RHOB: variants seen among roughly 807,000 people sequenced by gnomAD.
The protein encoded by RHOB is rho-related GTP-binding protein RhoB.
Under a neutral mutation model 12.9 loss-of-function variants are expected in RHOB, and 6 were observed. The ratio of observed to expected loss-of-function variants is 0.47; its 90% CI spans 0.25 to 0.92. The LOEUF is 0.92. RHOB is among the 40% of genes least tolerant of loss of function. The pLI, the probability that RHOB is intolerant of heterozygous loss-of-function variation, is 0.16. For missense variants in RHOB, 142 were observed against 277.9 expected, an observed-to-expected ratio of 0.51 and a Z score of 3.48; for synonymous variants, 168 against 122.1, an observed-to-expected ratio of 1.38 and a Z score of -2.48.
Position 20,448,222 on chromosome 2 carries a change from C to T in RHOB, c.*166C>T. 3.1e-6 allele frequency: 2 copies of T among 651,262 alleles called. No homozygotes were observed. Among genetic ancestry groups the T allele is most frequent in the Non-Finnish European group, 2.7e-6 (1 of 370,798 alleles). 40.3% of individuals were successfully genotyped at this position (651,262 alleles called of 1,614,324 possible). The stretch of plus-strand genomic sequence containing the variant: ...TTGCGCCAGGACTTGGCGTGGGCAC[C>T]GGGCGCCCCCATCCCAGTGTCTGTG... On this transcript the variant is annotated 3_prime_UTR_variant, in exon 1 of 1. Coordinates refer to ENST00000272233, the MANE Select transcript of RHOB (RefSeq NM_004040.4).
rs1280367324 is a variant in RHOB at position 20,447,204 on chromosome 2, C to G, written c.-262C>G. ...GAGCCCGCGTTACGCACAAAGCCGC[C>G]GATCCCCGGCCTGGGGTGAGCAGAG... On this transcript the variant is annotated 5_prime_UTR_variant, in exon 1 of 1. Transcript: ENST00000272233. The G allele has an allele frequency of 4.1e-5, 14 of 339,380 alleles. No homozygotes were observed. In the East Asian group the frequency reaches 6.1e-4, roughly 15 times the overall value. The allele number at this position is 339,380 out of a possible 1,614,324, so 21.0% of individuals were successfully genotyped here. A position where few individuals can be genotyped will look rare whatever the true frequency, so the allele number is the denominator to read the frequency against.
In RHOB at chr2:20,448,704, T is replaced by C. The variant is rs961059642; in HGVS notation, c.*648T>C. ...CCTGGGGAAGACATTTGCAACTGACTTGGGGAGGACACAGCTTCAGCACAG... is the reference window on the plus strand; with the variant it reads ...CCTGGGGAAGACATTTGCAACTGACCTGGGGAGGACACAGCTTCAGCACAG... On this transcript the variant is annotated 3_prime_UTR_variant, in exon 1 of 1. Coordinates refer to ENST00000272233, the MANE Select transcript of RHOB (RefSeq NM_004040.4). 1.2e-5 allele frequency: 2 copies of C among 167,184 alleles called. No homozygotes were observed. Among genetic ancestry groups the C allele is most frequent in the Non-Finnish European group, 2.9e-5 (2 of 68,162 alleles). The allele number at this position is 167,184 out of a possible 1,614,324, so 10.4% of individuals were successfully genotyped here. A position where few individuals can be genotyped will look rare whatever the true frequency, so the allele number is the denominator to read the frequency against.
chr2:20,448,140 C>G lies in RHOB; in HGVS notation c.*84C>G. 2 of 1,226,514 alleles carry G rather than the reference C, an allele frequency of 1.6e-6. No individual in the cohort carries two copies. Among genetic ancestry groups the G allele is most frequent in the Non-Finnish European group, 1.1e-6 (1 of 880,656 alleles). 76.0% of individuals were successfully genotyped at this position (1,226,514 alleles called of 1,614,324 possible). On this transcript the variant is annotated 3_prime_UTR_variant, in exon 1 of 1. Transcript: ENST00000272233. ...CCGCGAGCCCGGAGAAGGGGAGACC[C>G]GTGTCCCACAAGGACCCCACCGGCC...
In RHOB at chr2:20,447,367, T is replaced by C; in HGVS notation, c.-99T>C. On this transcript the variant is annotated 5_prime_UTR_variant, in exon 1 of 1. Coordinates refer to ENST00000272233, the MANE Select transcript of RHOB (RefSeq NM_004040.4). ...GGCCCGGGTGCAGCTAGCGACCCTC[T>C]CGCCACCTGCGCGCAGCCCGAGGTG... is the stretch of plus-strand genomic sequence containing the variant. The C allele has an allele frequency of 1.1e-6, 1 of 944,216 alleles. No homozygotes were observed. The allele number at this position is 944,216 out of a possible 1,614,324, so 58.5% of individuals were successfully genotyped here. A position where few individuals can be genotyped will look rare whatever the true frequency, so the allele number is the denominator to read the frequency against.
Position 20,448,060 on chromosome 2 carries a change from C to T in RHOB, c.*4C>T. ...CAACTGCTGCAAGGTGCTATGAGGG[C>T]CGCGCCCGTCGCGCCTGCCCCTGCC... On this transcript the variant is annotated 3_prime_UTR_variant, in exon 1 of 1. Transcript: ENST00000272233. The T allele has an allele frequency of 2.5e-6, 4 of 1,599,536 alleles. No individual in the cohort carries two copies. Among genetic ancestry groups the T allele is most frequent in the Non-Finnish European group, 3.4e-6 (4 of 1,171,382 alleles).
At position 20,448,294 on chromosome 2, in the gene RHOB, A is replaced by AGG; in HGVS notation, c.*240_*241dup. 1 of 564,548 alleles carries AGG rather than the reference A, an allele frequency of 1.8e-6. No individual in the cohort carries two copies. The highest frequency in any genetic ancestry group is 3.2e-6 in the Non-Finnish European group (1 of 310,258). 35.0% of individuals were successfully genotyped at this position (564,548 alleles called of 1,614,324 possible). A position where few individuals can be genotyped will look rare whatever the true frequency, so the allele number is the denominator to read the frequency against. ...GGCCTGGGCTCCCCACTGAGTGCCA[A>AGG]GGGTCCCCTGAGCATGCTTTTCTGA... On this transcript the variant is annotated 3_prime_UTR_variant, in exon 1 of 1. Coordinates refer to ENST00000272233, the MANE Select transcript of RHOB (RefSeq NM_004040.4).
At position 20,448,921 on chromosome 2, in the gene RHOB, ATTGT is replaced by A. The variant is rs1366123245; in HGVS notation, c.*868_*871del. On this transcript the variant is annotated 3_prime_UTR_variant, in exon 1 of 1. Transcript: ENST00000272233. ...AATTTGTTTTTTTATTCTTTGCACA[ATTGT>A]TTCATTGTTTGACACTTAATGCACT... 1.8e-5 allele frequency: 3 copies of A among 167,210 alleles called. No individual in the cohort carries two copies. The East Asian group carries it at 5.8e-4, about 32-fold the overall frequency. The allele number at this position is 167,210 out of a possible 1,614,324, so 10.4% of individuals were successfully genotyped here.
Position 20,448,906 on chromosome 2 carries a change from TTTA to T in RHOB, c.*853_*855del. ...TTATTTAAAGGCTAAAATTTGTTTT[TTTA>T]TTCTTTGCACAATTGTTTCATTGTT... On this transcript the variant is annotated 3_prime_UTR_variant, in exon 1 of 1. Coordinates refer to ENST00000272233, the MANE Select transcript of RHOB (RefSeq NM_004040.4). 6.0e-6 allele frequency: 1 copy of T among 167,176 alleles called. No homozygotes were observed. Among genetic ancestry groups the T allele is most frequent in the Non-Finnish European group, 1.5e-5 (1 of 68,136 alleles). 10.4% of individuals were successfully genotyped at this position (167,176 alleles called of 1,614,324 possible).
rs1226583956 is a variant in RHOB, at chr2:20,449,328, A to G, written c.*1272A>G. On this transcript the variant is annotated 3_prime_UTR_variant, in exon 1 of 1. Coordinates refer to ENST00000272233, the MANE Select transcript of RHOB (RefSeq NM_004040.4). ...TTGTTGTCTTGTTTTTTATTTTTTA[A>G]ATAAACTGACAAATGACAAAATGGT... The G allele has an allele frequency of 1.2e-5, 2 of 166,946 alleles. No homozygotes were observed. The highest frequency in any genetic ancestry group is 1.3e-4 in the Admixed American group (2 of 15,276). The allele number at this position is 166,946 out of a possible 1,614,324, so 10.3% of individuals were successfully genotyped here.
At position 20,448,753 on chromosome 2, in the gene RHOB, G is replaced by T. The variant is rs984834809; in HGVS notation, c.*697G>T. 7 of 167,002 alleles carry T rather than the reference G, an allele frequency of 4.2e-5. No homozygotes were observed. The highest frequency in any genetic ancestry group is 7.3e-5 in the Non-Finnish European group (5 of 68,134). The allele number at this position is 167,002 out of a possible 1,614,324, so 10.3% of individuals were successfully genotyped here. A position where few individuals can be genotyped will look rare whatever the true frequency, so the allele number is the denominator to read the frequency against. Reference sequence around the variant, plus strand: ...AGCCTCTCCTGCGGGCCAGCCCGCTGCGAACCCTCCACCAGCTACCGGAGG... The same window carrying T: ...AGCCTCTCCTGCGGGCCAGCCCGCTTCGAACCCTCCACCAGCTACCGGAGG... On this transcript the variant is annotated 3_prime_UTR_variant, in exon 1 of 1. Transcript: ENST00000272233.
rs891082434 is a variant in RHOB at position 20,447,159 on chromosome 2, A to G, written c.-307A>G. ...CCCGGGAGAGAGCTAGGCCGAGTCC[A>G]CCGCCCGAGTCTGCTGCCCGAGCCC... On this transcript the variant is annotated 5_prime_UTR_variant, in exon 1 of 1. Transcript: ENST00000272233. 1.4e-5 allele frequency: 4 copies of G among 291,958 alleles called. No homozygotes were observed. The highest frequency in any genetic ancestry group is 1.0e-4 in the Admixed American group (2 of 19,062). The allele number at this position is 291,958 out of a possible 1,614,324, so 18.1% of individuals were successfully genotyped here.
Position 20,447,607 on chromosome 2 carries a change from G to A in RHOB, c.142G>A (p.Val48Met). ...VFENYVADIE[V>M]DGKQVELALW... is the part of the protein sequence containing the mutation. ...CGAGAACTATGTGGCCGACATTGAG[G>A]TGGACGGCAAGCAGGTGGAGCTGGC... The change falls in exon 1 of 1, where the codon GTG becomes ATG. Residue 48 changes from valine (V) to methionine (M), a missense_variant. Val to Met is a conservative substitution (Grantham distance 21, BLOSUM62 1). This residue lies in a region of RHOB where 29 missense variants were observed against 111.5 expected (regional missense o/e 0.26). Coordinates refer to ENST00000272233, the MANE Select transcript of RHOB (RefSeq NM_004040.4). 6.2e-7 allele frequency: 1 copy of A among 1,614,122 alleles called. No individual in the cohort carries two copies. Among genetic ancestry groups the A allele is most frequent in the Non-Finnish European group, 8.5e-7 (1 of 1,180,032 alleles).
Position 20,447,942 on chromosome 2 carries a change from C to G in RHOB, c.477C>G (p.Cys159Trp). ...VRIQAYDYLE[C>W]SAKTKEGVRE... ...TCCAAGCCTACGACTACCTCGAGTG[C>G]TCTGCCAAGACCAAGGAAGGCGTGC... is the stretch of plus-strand genomic sequence containing the variant. Residue 159 changes from cysteine to tryptophan, a missense_variant, in exon 1 of 1, where the codon TGC becomes TGG. By Grantham distance (215) the Cys-to-Trp change is radical. Transcript: ENST00000272233. 6.2e-7 allele frequency: 1 copy of G among 1,613,142 alleles called. No homozygotes were observed.
chr2:20,449,275 C>G lies in RHOB; in HGVS notation c.*1219C>G, dbSNP rs1327318494. 6.0e-6 allele frequency: 1 copy of G among 166,370 alleles called. No individual in the cohort carries two copies. Among genetic ancestry groups the G allele is most frequent in the Non-Finnish European group, 1.5e-5 (1 of 67,978 alleles). The allele number at this position is 166,370 out of a possible 1,614,324, so 10.3% of individuals were successfully genotyped here. A position where few individuals can be genotyped will look rare whatever the true frequency, so the allele number is the denominator to read the frequency against. On this transcript the variant is annotated 3_prime_UTR_variant, in exon 1 of 1. Coordinates refer to ENST00000272233, the MANE Select transcript of RHOB (RefSeq NM_004040.4). ...CCCTGTATATCCTTTTTTCCCCTCC[C>G]CTCCCTCCCAGTGGTACTTCTACTA...
rs1691008521 is a variant in RHOB at position 20,447,089 on chromosome 2, C to G, written c.-377C>G. The G allele has an allele frequency of 1.5e-5, 3 of 198,184 alleles. No individual in the cohort carries two copies. The highest frequency in any genetic ancestry group is 2.3e-5 in the African/African-American group (1 of 43,146). 12.3% of individuals were successfully genotyped at this position (198,184 alleles called of 1,614,324 possible). On this transcript the variant is annotated 5_prime_UTR_variant, in exon 1 of 1. Coordinates refer to ENST00000272233, the MANE Select transcript of RHOB (RefSeq NM_004040.4). ...CGCAGCCCTCATCTGCCACCGCAGT[C>G]TGGTTGGAGCTGTTGTCTTGTATGC... is the stretch of plus-strand genomic sequence containing the variant.
In RHOB at chr2:20,447,929, A is replaced by G; in HGVS notation, c.464A>G (p.Asp155Gly). ...RAMAVRIQAY[D>G]YLECSAKTKE... is the part of the protein sequence containing the mutation. The stretch of plus-strand genomic sequence containing the variant: ...ATGGCCGTGCGCATCCAAGCCTACG[A>G]CTACCTCGAGTGCTCTGCCAAGACC... The change falls in exon 1 of 1, where the codon GAC (aspartate) becomes GGC (glycine). Residue 155 changes from aspartate to glycine, a missense_variant. By Grantham distance (94) the Asp-to-Gly change is moderately conservative (BLOSUM62 -1). This residue lies in a region of RHOB where 113 missense variants were observed against 166.3 expected (regional missense o/e 0.68). Transcript: ENST00000272233. The G allele has an allele frequency of 1.9e-6, 3 of 1,613,118 alleles. No individual in the cohort carries two copies. The highest frequency in any genetic ancestry group is 2.5e-6 in the Non-Finnish European group (3 of 1,179,970).
chr2:20,447,717 C>T lies in RHOB; in HGVS notation c.252C>T (p.Phe84=), dbSNP rs778793105. Residue 84 remains phenylalanine (F), a synonymous_variant, in exon 1 of 1, where the codon TTC becomes TTT. Coordinates refer to ENST00000272233, the MANE Select transcript of RHOB (RefSeq NM_004040.4). Reference sequence around the variant, plus strand: ...ACACCGACGTCATTCTCATGTGCTTCTCGGTGGACAGCCCGGACTCGCTGG... The same window carrying T: ...ACACCGACGTCATTCTCATGTGCTTTTCGGTGGACAGCCCGGACTCGCTGG... ...YPDTDVILMC[F]SVDSPDSLEN... 4.3e-6 allele frequency: 7 copies of T among 1,613,666 alleles called. No individual in the cohort carries two copies. Among genetic ancestry groups the T allele is most frequent in the Non-Finnish European group, 8.5e-7 (1 of 1,179,868 alleles).
chr2:20,447,749 T>C lies in RHOB; in HGVS notation c.284T>C (p.Ile95Thr). Residue 95 changes from isoleucine (I) to threonine (T), a missense_variant, in exon 1 of 1, where the codon ATC becomes ACC. Physicochemically the swap from Ile to Thr is moderately conservative, Grantham distance 89. Coordinates refer to ENST00000272233, the MANE Select transcript of RHOB (RefSeq NM_004040.4). ...SVDSPDSLEN[I>T]PEKWVPEVKH... Reference sequence around the variant, plus strand: ...GACAGCCCGGACTCGCTGGAGAACATCCCCGAGAAGTGGGTCCCCGAGGTG... The same window carrying C: ...GACAGCCCGGACTCGCTGGAGAACACCCCCGAGAAGTGGGTCCCCGAGGTG... The C allele has an allele frequency of 6.2e-7, 1 of 1,613,526 alleles. No homozygotes were observed. Among genetic ancestry groups the C allele is most frequent in the Non-Finnish European group, 8.5e-7 (1 of 1,179,922 alleles).
In RHOB at chr2:20,448,064, G is replaced by GC; in HGVS notation, c.*11dup. 1 of 1,595,496 alleles carries GC rather than the reference G, an allele frequency of 6.3e-7. No individual in the cohort carries two copies. The highest frequency in any genetic ancestry group is 8.6e-7 in the Non-Finnish European group (1 of 1,169,078). On this transcript the variant is annotated 3_prime_UTR_variant, in exon 1 of 1. Coordinates refer to ENST00000272233, the MANE Select transcript of RHOB (RefSeq NM_004040.4). ...TGCTGCAAGGTGCTATGAGGGCCGC[G>GC]CCCGTCGCGCCTGCCCCTGCCGGCA...
Sources: gnomAD v4.1 joint callset for allele counts on GRCh38, gnomAD v4.1.1 for gene constraint, gnomAD v4.1.1 regional missense constraint, MANE v1.5 for transcripts, NCBI Gene and HGNC (gene_info 2026-07-23, HGNC 2026-07-21) for gene names.